Variants in EXOC4 observed in about 807,000 individuals in gnomAD.
EXOC4 encodes SEC8-like 1.
Under a neutral mutation model 107.2 loss-of-function variants are expected in EXOC4, and 71 were observed. The observed-to-expected ratio is 0.66, with a 90% CI of 0.55 to 0.81. EXOC4 has a LOEUF of 0.81. EXOC4 is among the 30% of genes least tolerant of loss of function. The pLI is 0.00. For synonymous variants in EXOC4, 456 were observed against 441.2 expected (o/e 1.03, Z -0.42); for missense variants, 1,108 against 1,189.6 (o/e 0.93, Z 1.01).
At chr7:133,831,289 G>A (rs1797806010) in intron 11 of EXOC4, among the ~76,000 whole-genome samples, 2 of 152,138 alleles carry the variant, frequency 1.3e-5, no homozygotes, top group African/African-American at 4.8e-5. Context: ...AGGAGTGCTG[G>A]TTAGGTATGT....
chr7:133,591,901 A>C (rs142188420), intron 9 of EXOC4, among the ~76,000 whole-genome samples: 90 of 152,248 alleles, frequency 5.9e-4, no homozygotes, highest in African/African-American at 2.0e-3. Flanking sequence ...GTGTGCTGTG[A>C]TCCTGAGAGT....
intron 10 of EXOC4, among the ~76,000 whole-genome samples, chr7:133,670,293 C>T (rs535657313): frequency 1.3e-5 from 2 of 152,300 alleles, no homozygotes; most frequent in South Asian, 2.1e-4. Flanking sequence ...AACTTGTTTC[C>T]TCACTTGTAC....
At chr7:133,487,638 G>A (rs1226200151) in intron 9 of EXOC4, among the ~76,000 whole-genome samples, 1 of 152,140 alleles carries the variant, frequency 6.6e-6, no homozygotes, top group Non-Finnish European at 1.5e-5. Context: ...GAACCTAGGA[G>A]GTGGAGGTTG....
At chr7:133,667,345 CA>C (rs57282499) in intron 10 of EXOC4, among the ~76,000 whole-genome samples, 19,563 of 152,196 alleles carry the variant, frequency 0.13, 1,369 homozygotes, top group East Asian at 0.24. Flanking sequence ...TGCCTTCTTC[CA>C]AATGCTTCTG....
intron 11 of EXOC4, among the ~76,000 whole-genome samples, chr7:133,875,718 T>G (rs893287676): frequency 5.3e-5 from 8 of 152,168 alleles, no homozygotes; most frequent in Admixed American, 2.0e-4. Context: ...TACCACACAC[T>G]ACCTTCACAG....
chr7:133,438,715 G>A (rs985300868), intron 7 of EXOC4, among the ~76,000 whole-genome samples: 2 of 152,170 alleles, frequency 1.3e-5, no homozygotes, highest in Non-Finnish European at 2.9e-5. Context: ...TATCTTAAAC[G>A]CAGCAGCCAG....
At chr7:133,382,348 T>C (rs1275841811) in intron 7 of EXOC4, among the ~76,000 whole-genome samples, 3 of 152,150 alleles carry the variant, frequency 2.0e-5, no homozygotes. Flanking sequence ...ATTTTAATGA[T>C]GGTTTAGTGT....
intron 10 of EXOC4, among the ~76,000 whole-genome samples, chr7:133,650,080 T>C (rs1449703248): frequency 6.6e-6 from 1 of 152,194 alleles, no homozygotes; most frequent in Non-Finnish European, 1.5e-5. Flanking sequence ...CTGAACCAGC[T>C]TGGAATACAT....
intron 7 of EXOC4, among the ~76,000 whole-genome samples, chr7:133,378,134 C>T (rs1341491215): frequency 6.6e-6 from 1 of 151,726 alleles, no homozygotes; most frequent in Non-Finnish European, 1.5e-5. Context: ...GATGGTGAAA[C>T]CCTGTCTCTA....
chr7:133,811,272 A>C (rs1797223638), intron 10 of EXOC4, among the ~76,000 whole-genome samples: 1 of 152,156 alleles, frequency 6.6e-6, no homozygotes, highest in South Asian at 2.1e-4. Flanking sequence ...CTTTGAAGTG[A>C]AGTATTTTCT....
intron 4 of EXOC4, among the ~76,000 whole-genome samples, chr7:133,310,610 A>G (rs1478674489): frequency 1.3e-5 from 2 of 152,246 alleles, no homozygotes; most frequent in Non-Finnish European, 2.9e-5. Flanking sequence ...GTAGGAACCA[A>G]CGGAGATTAA....
At chr7:133,645,577 C>A (rs1047641008) in intron 10 of EXOC4, among the ~76,000 whole-genome samples, 2 of 152,014 alleles carry the variant, frequency 1.3e-5, no homozygotes, top group Admixed American at 6.6e-5. Context: ...ACACTAGATT[C>A]TCAGTAAATA....
chr7:133,962,652 C>G (rs936291454), intron 14 of EXOC4, among the ~76,000 whole-genome samples: 27 of 152,148 alleles, frequency 1.8e-4, no homozygotes, highest in African/African-American at 6.3e-4. Flanking sequence ...ATTTAGCATG[C>G]AAGTTAAACA....
chr7:133,967,656 C>G (rs1036119047), intron 14 of EXOC4, among the ~76,000 whole-genome samples: 18 of 152,152 alleles, frequency 1.2e-4, no homozygotes, highest in African/African-American at 4.1e-4. Flanking sequence ...GTTTCTTAAT[C>G]CTGAGTTCTA....
intron 9 of EXOC4, among the ~76,000 whole-genome samples, chr7:133,564,979 T>A (rs1380615097): frequency 1.3e-5 from 2 of 152,160 alleles, no homozygotes; most frequent in East Asian, 3.9e-4. Flanking sequence ...CCTCGGGGTC[T>A]AACATGTGAG....
chr7:133,812,307 T>G (rs1044863820), intron 10 of EXOC4, among the ~76,000 whole-genome samples: 8 of 152,192 alleles, frequency 5.3e-5, no homozygotes, highest in African/African-American at 1.7e-4. Context: ...ATTTCCTCAT[T>G]AAACCATCAA....
In EXOC4 at chr7:133,394,849, A is replaced by G. The variant is rs576343808; in HGVS notation, c.1182+19847A>G. ...AATAACCTAGCATAAAAAAGACACTACCAAAAGCGCCTGACAATGTCCTTT... is the reference window on the plus strand; with the variant it reads ...AATAACCTAGCATAAAAAAGACACTGCCAAAAGCGCCTGACAATGTCCTTT... On this transcript the variant is annotated intron_variant, in intron 7 of 17. Coordinates refer to ENST00000253861, the MANE Select transcript of EXOC4 (RefSeq NM_021807.4). 1.7e-3 allele frequency among the ~76,000 whole-genome samples: 258 copies of G among 152,144 alleles called. 1 individual carries two copies. Among genetic ancestry groups the G allele is most frequent in the African/African-American group, 5.9e-3 (247 of 41,542 alleles).
At chr7:134,043,755 C>T (rs931053343) in intron 17 of EXOC4, among the ~76,000 whole-genome samples, 2 of 152,028 alleles carry the variant, frequency 1.3e-5, no homozygotes, top group African/African-American at 4.8e-5. Context: ...CAAGTTTGTT[C>T]TCTCATGCAG....
chr7:133,290,110 G>C (rs771947184), intron 3 of EXOC4, among the ~76,000 whole-genome samples: 1 of 152,218 alleles, frequency 6.6e-6, no homozygotes, highest in Non-Finnish European at 1.5e-5. Flanking sequence ...TGGTAACCAA[G>C]GAGTGAGAAG....
Sources: allele counts gnomAD v4.1 joint callset (sites outside exome capture counted in the v4.1 genomes callset), GRCh38; gene constraint gnomAD v4.1.1; transcripts MANE v1.5; gene names NCBI Gene and HGNC (gene_info 2026-07-23, HGNC 2026-07-21).